The following TNIK variants were observed in gnomAD, a reference collection of about 807,000 sequenced individuals.
The protein encoded by TNIK is TRAF2 and NCK interacting kinase, also known as TRAF2 and NCK-interacting protein kinase.
A neutral mutation model predicts 191.3 loss-of-function variants in TNIK; 49 were observed. That is an observed-to-expected ratio of 0.26 (90% CI 0.20 to 0.32). The LOEUF (loss-of-function observed/expected upper bound fraction) is 0.32, where lower values mean the gene tolerates loss of function less well. Ranked by LOEUF, TNIK falls within the 10% of genes least tolerant of loss-of-function variation. The pLI, the probability that TNIK is intolerant of heterozygous loss-of-function variation, is 1.00. For missense variants in TNIK, 1,155 were observed against 1,702.3 expected, an observed-to-expected ratio of 0.68 and a Z score of 5.66; for synonymous variants, 594 against 600.9, an observed-to-expected ratio of 0.99 and a Z score of 0.17.
At chr3:171,065,188 A>G in intron 32 of TNIK, among the ~76,000 whole-genome samples, 1 of 152,184 alleles carries the variant, frequency 6.6e-6, no homozygotes, top group East Asian at 1.9e-4. Flanking sequence ...TTTGATTCTT[A>G]GAGACTGGGT....
At chr3:171,137,333 C>T (rs1473131827) in intron 15 of TNIK, among the ~76,000 whole-genome samples, 1 of 151,312 alleles carries the variant, frequency 6.6e-6, no homozygotes, top group Non-Finnish European at 1.5e-5. Flanking sequence ...TCTAAAGATT[C>T]TAGATAAAAA....
In TNIK at chr3:171,061,534, T is replaced by C. The variant is rs1717832338; in HGVS notation, c.*2347A>G. 6.6e-6 allele frequency: 1 copy of C among 152,070 alleles called. No individual in the cohort carries two copies. The highest frequency in any genetic ancestry group is 1.5e-5 in the Non-Finnish European group (1 of 68,036). 9.4% of individuals were successfully genotyped at this position (152,070 alleles called of 1,614,324 possible). ...CAATGATTCCCTTTTATTTCTTAAC[T>C]GTACCCAAAATCCCACAATAAAAAA... On this transcript the variant is annotated 3_prime_UTR_variant, in exon 33 of 33. Transcript: ENST00000436636.
At chr3:171,245,471 T>A (rs1745488860) in intron 2 of TNIK, among the ~76,000 whole-genome samples, 1 of 152,114 alleles carries the variant, frequency 6.6e-6, no homozygotes, top group South Asian at 2.1e-4. Flanking sequence ...AAACCATAAA[T>A]TTTTAAATTT....
At chr3:171,346,981 A>AT in intron 2 of TNIK, 1 of 623,840 alleles carries the variant, frequency 1.6e-6, no homozygotes, top group Non-Finnish European at 2.7e-6. Flanking sequence ...CACAGTAGGA[A>AT]TGTAGGGGCT....
chr3:171,222,372 G>A (rs954749), intron 3 of TNIK, among the ~76,000 whole-genome samples: 10 of 151,832 alleles, frequency 6.6e-5, no homozygotes, highest in South Asian at 4.2e-4. Flanking sequence ...CCTAATGGAC[G>A]TTGTTTTAAG....
chr3:171,430,647 C>A (rs114228803), intron 1 of TNIK, among the ~76,000 whole-genome samples: 2,528 of 112,848 alleles, frequency 0.022, no homozygotes, highest in East Asian at 0.044. Context: ...AAAAAACAGA[C>A]AAAAAAAAAA....
intron 3 of TNIK, among the ~76,000 whole-genome samples, chr3:171,215,981 C>T (rs1384107672): frequency 1.3e-5 from 2 of 152,104 alleles, no homozygotes; most frequent in Non-Finnish European, 2.9e-5. Flanking sequence ...GCCACTATCC[C>T]ATAGATGTGT....
chr3:171,102,271 C>G (rs1441476309), intron 21 of TNIK, among the ~76,000 whole-genome samples: 1 of 152,174 alleles, frequency 6.6e-6, no homozygotes, highest in African/African-American at 2.4e-5. Flanking sequence ...CAAGAGTTCT[C>G]TTCCAAAATG....
chr3:171,347,049 C>T, intron 2 of TNIK: 1 of 1,300,124 alleles, frequency 7.7e-7, no homozygotes, highest in East Asian at 2.5e-5. Flanking sequence ...TGTGCAATGC[C>T]TGTGCTAGGA....
intron 18 of TNIK, among the ~76,000 whole-genome samples, chr3:171,119,090 AATTT>A (rs1727238974): frequency 6.6e-6 from 1 of 152,184 alleles, no homozygotes; most frequent in African/African-American, 2.4e-5. Flanking sequence ...AACTCAAACA[AATTT>A]ATAAGAAAAA....
At chr3:171,446,528 A>G (rs1727518943) in intron 1 of TNIK, among the ~76,000 whole-genome samples, 1 of 152,212 alleles carries the variant, frequency 6.6e-6, no homozygotes, top group African/African-American at 2.4e-5. Context: ...CAACTACCAT[A>G]AAGTTGTGTC....
intron 10 of TNIK, among the ~76,000 whole-genome samples, chr3:171,162,407 G>C (rs763610276): frequency 6.6e-5 from 10 of 152,246 alleles, no homozygotes; most frequent in Non-Finnish European, 1.3e-4. Flanking sequence ...CTGGGTGATA[G>C]AGTGAGACTC....
chr3:171,307,170 T>G (rs1324433394), intron 2 of TNIK, among the ~76,000 whole-genome samples: 1 of 152,158 alleles, frequency 6.6e-6, no homozygotes, highest in Non-Finnish European at 1.5e-5. Flanking sequence ...CTATTAAATT[T>G]TATGGGTGGT....
intron 1 of TNIK, among the ~76,000 whole-genome samples, chr3:171,371,482 A>G (rs1269496906): frequency 6.6e-6 from 1 of 152,248 alleles, no homozygotes; most frequent in Admixed American, 6.5e-5. Context: ...TTACAAAGCC[A>G]GAAGGGCAAG....
At chr3:171,270,532 T>C (rs900947167) in intron 2 of TNIK, among the ~76,000 whole-genome samples, 8 of 152,196 alleles carry the variant, frequency 5.3e-5, no homozygotes, top group South Asian at 2.1e-4. Context: ...ACACCAGCAA[T>C]TGAAATCAGA....
intron 2 of TNIK, among the ~76,000 whole-genome samples, chr3:171,361,803 A>T (rs1434377288): frequency 1.3e-5 from 2 of 152,188 alleles, no homozygotes; most frequent in Non-Finnish European, 1.5e-5. Context: ...TTTATATTTA[A>T]CAAAATACTT....
intron 1 of TNIK, among the ~76,000 whole-genome samples, chr3:171,452,460 A>T (rs936994390): frequency 6.6e-6 from 1 of 152,062 alleles, no homozygotes; most frequent in South Asian, 2.1e-4. Context: ...CTCATCTTAC[A>T]TGTGACAAAA....
In TNIK at chr3:171,207,386, A is replaced by T. The variant is rs192655649; in HGVS notation, c.306+3730T>A. Among the ~76,000 whole-genome samples the T allele has an allele frequency of 5.2e-3, 792 of 151,590 alleles. 6 individuals carry two copies. The highest frequency in any genetic ancestry group is 0.013 in the Admixed American group (191 of 15,206). ...TTAAATTTTAATTTTTTTGGTAGAG[A>T]TGAGGCCTCACTATGTTACCCACGC... On this transcript the variant is annotated intron_variant, in intron 4 of 32. Transcript: ENST00000436636.
rs546601584 is a variant in TNIK, at chr3:171,175,380, G to A, written c.695-50C>T. On this transcript the variant is annotated intron_variant, in intron 8 of 32. Coordinates refer to ENST00000436636, the MANE Select transcript of TNIK (RefSeq NM_015028.4). ...AGCTACAGTTAGGAGGCCAAACCCA[G>A]GCCAAGCCCGTCTTGGCTGTGCAGA... 74 of 1,519,824 alleles carry A rather than the reference G, an allele frequency of 4.9e-5. No individual in the cohort carries two copies. In the South Asian group the frequency reaches 8.3e-4, roughly 17 times the overall value. 94.1% of individuals were successfully genotyped at this position (1,519,824 alleles called of 1,614,324 possible).
Sources: allele counts gnomAD v4.1 joint callset (sites outside exome capture counted in the v4.1 genomes callset), GRCh38; gene constraint gnomAD v4.1.1; transcripts MANE v1.5; gene names NCBI Gene and HGNC (gene_info 2026-07-23, HGNC 2026-07-21).